The following GRB10 variants were observed in gnomAD, a reference collection of about 807,000 sequenced individuals.
GRB10 encodes the protein growth factor receptor-bound protein 10.
GRB10 carries 20 observed loss-of-function variants against 80.9 expected under a neutral mutation model. That is an observed-to-expected ratio of 0.25 (90% CI 0.17 to 0.36). The LOEUF (loss-of-function observed/expected upper bound fraction) is 0.36. Among genes scored for constraint, GRB10 ranks in the 10% least tolerant of loss-of-function variants. The pLI, the probability that GRB10 is intolerant of heterozygous loss-of-function variation, is 1.00. For missense variants in GRB10, 548 were observed against 747.7 expected, an observed-to-expected ratio of 0.73 and a Z score of 3.12; for synonymous variants, 291 against 291.5, an observed-to-expected ratio of 1.00 and a Z score of 0.02.
intron 7 of GRB10, among the ~76,000 whole-genome samples, chr7:50,639,581 G>A (rs2055791549): frequency 6.6e-6 from 1 of 152,170 alleles, no homozygotes; most frequent in Non-Finnish European, 1.5e-5. Context: ...GCTGAGGCGG[G>A]AGAATGGCGT....
chr7:50,777,429 T>TATACAC (rs1554316306), intron 2 of GRB10, among the ~76,000 whole-genome samples: 229 of 146,270 alleles, frequency 1.6e-3, no homozygotes, highest in African/African-American at 5.6e-3. Flanking sequence ...GCAATCTGTA[T>TATACAC]ACACACACAC....
chr7:50,734,667 T>C (rs1176825081), intron 3 of GRB10, among the ~76,000 whole-genome samples: 3 of 152,234 alleles, frequency 2.0e-5, no homozygotes, highest in Admixed American at 6.5e-5. Flanking sequence ...GCCAATTTTA[T>C]TACCTAAATA....
chr7:50,650,386 A>G (rs969507693), intron 7 of GRB10, among the ~76,000 whole-genome samples: 1 of 152,158 alleles, frequency 6.6e-6, no homozygotes, highest in African/African-American at 2.4e-5. Context: ...TGGTCCTGGG[A>G]GGTCTGCAGA....
Position 50,739,516 on chromosome 7 carries a change from C to T in GRB10, c.-46-7148G>A, listed in dbSNP as rs543171934. Among the ~76,000 whole-genome samples the T allele has an allele frequency of 8.5e-5, 13 of 152,312 alleles. No individual in the cohort carries two copies. In the South Asian group the frequency reaches 1.2e-3, roughly 15 times the overall value. On this transcript the variant is annotated intron_variant, in intron 3 of 18. Coordinates refer to ENST00000401949, the MANE Select transcript of GRB10 (RefSeq NM_001350814.2). ...CAATCCATGCTCACCTTGTCTATCC[C>T]GCATGGCATGTGGCTCATCACACAT...
chr7:50,623,064 C>A (rs1262150986), intron 8 of GRB10, among the ~76,000 whole-genome samples: 1 of 152,198 alleles, frequency 6.6e-6, no homozygotes, highest in Non-Finnish European at 1.5e-5. Flanking sequence ...GGTGAACCTT[C>A]CAGAGACTTG....
intron 7 of GRB10, among the ~76,000 whole-genome samples, chr7:50,647,468 C>T (rs56403574): frequency 0.026 from 3,915 of 152,352 alleles, 77 homozygotes; most frequent in Non-Finnish European, 0.04. Flanking sequence ...AGTCACTGAG[C>T]AGATGCTCCC....
At chr7:50,624,119 C>CTTAGTATCT (rs1190333975) in intron 8 of GRB10, among the ~76,000 whole-genome samples, 1 of 152,204 alleles carries the variant, frequency 6.6e-6, no homozygotes, top group African/African-American at 2.4e-5. Context: ...TACAATCTGC[C>CTTAGTATCT]TTAGTATCTG....
chr7:50,601,899 C>T (rs1261680390), intron 17 of GRB10, among the ~76,000 whole-genome samples: 1 of 152,096 alleles, frequency 6.6e-6, no homozygotes, highest in Non-Finnish European at 1.5e-5. Flanking sequence ...ATCTTGTCAC[C>T]CCAAAATCAA....
In GRB10 at chr7:50,621,957, C is replaced by A. The variant is rs528486863; in HGVS notation, c.662-2672G>T. On this transcript the variant is annotated intron_variant, in intron 8 of 18. Coordinates refer to ENST00000401949, the MANE Select transcript of GRB10 (RefSeq NM_001350814.2). Reference sequence around the variant, plus strand: ...CTAAAGTGTGACTCCTCGGCAGAAACCTGTGCTGCCAGTTGGCAGTGGAGG... The same window carrying A: ...CTAAAGTGTGACTCCTCGGCAGAAAACTGTGCTGCCAGTTGGCAGTGGAGG... Among the ~76,000 whole-genome samples the A allele has an allele frequency of 3.2e-4, 48 of 152,368 alleles. No individual in the cohort carries two copies. The South Asian group carries it at 9.7e-3, about 31-fold the overall frequency.
rs548573825 is a variant in GRB10 at position 50,612,724 on chromosome 7, C to T, written c.1194+17G>A. The T allele has an allele frequency of 1.4e-5, 22 of 1,589,336 alleles. No individual in the cohort carries two copies. The highest frequency in any genetic ancestry group is 1.3e-4 in the South Asian group (12 of 90,404). Reference sequence around the variant, plus strand: ...GAAGAGATGTGCACTCAACACAAACCGCAAGATGTCACATACCTTGAGGAG... The same window carrying T: ...GAAGAGATGTGCACTCAACACAAACTGCAAGATGTCACATACCTTGAGGAG... On this transcript the variant is annotated intron_variant, in intron 13 of 18. Transcript: ENST00000401949.
chr7:50,654,948 C>T (rs561877080), intron 7 of GRB10, among the ~76,000 whole-genome samples: 1 of 152,292 alleles, frequency 6.6e-6, no homozygotes, highest in South Asian at 2.1e-4. Context: ...TGTCTGACTC[C>T]TGTCCTTTTA....
At chr7:50,704,135 G>A (rs1718880870) in intron 4 of GRB10, among the ~76,000 whole-genome samples, 1 of 152,208 alleles carries the variant, frequency 6.6e-6, no homozygotes, top group Non-Finnish European at 1.5e-5. Flanking sequence ...AGTTACTCCT[G>A]TGTTTGGGCT....
At chr7:50,765,706 T>A (rs1009852296) in intron 2 of GRB10, among the ~76,000 whole-genome samples, 3 of 152,210 alleles carry the variant, frequency 2.0e-5, no homozygotes, top group African/African-American at 7.2e-5. Flanking sequence ...CCTTATTGAT[T>A]TATATAATAC....
intron 18 of GRB10, among the ~76,000 whole-genome samples, chr7:50,593,673 C>G (rs2046129941): frequency 6.6e-6 from 1 of 152,214 alleles, no homozygotes; most frequent in African/African-American, 2.4e-5. Flanking sequence ...CAGAGAGAAT[C>G]ATATTCCTAA....
At chr7:50,708,238 A>AT (rs2065306235) in intron 4 of GRB10, among the ~76,000 whole-genome samples, 1 of 152,250 alleles carries the variant, frequency 6.6e-6, no homozygotes, top group Admixed American at 6.5e-5. Context: ...AATTTCAACA[A>AT]GTGGCTCATT....
intron 3 of GRB10, among the ~76,000 whole-genome samples, chr7:50,748,920 C>G (rs925815218): frequency 1.3e-5 from 2 of 152,158 alleles, no homozygotes; most frequent in African/African-American, 4.8e-5. Flanking sequence ...CATAAGAAAT[C>G]AGAACCTCTA....
intron 3 of GRB10, among the ~76,000 whole-genome samples, chr7:50,754,686 C>T (rs1490904218): frequency 6.6e-6 from 1 of 152,174 alleles, no homozygotes; most frequent in Non-Finnish European, 1.5e-5. Flanking sequence ...AAAGATAGCC[C>T]AGAAACTTCC....
At chr7:50,672,703 G>T (rs892959519) in intron 6 of GRB10, among the ~76,000 whole-genome samples, 1 of 152,162 alleles carries the variant, frequency 6.6e-6, no homozygotes, top group African/African-American at 2.4e-5. Flanking sequence ...AACTACTCCA[G>T]CAGGGAGGCA....
At chr7:50,732,510 C>T in intron 3 of GRB10, 142 bp from the exon 4 acceptor site, 5 of 639,918 alleles carry the variant, frequency 7.8e-6, no homozygotes, top group Non-Finnish European at 1.4e-5. Flanking sequence ...TTGCTCGGGG[C>T]ACCAGCTTTT....
Sources: allele counts gnomAD v4.1 joint callset (sites outside exome capture counted in the v4.1 genomes callset), GRCh38; gene constraint gnomAD v4.1.1; transcripts MANE v1.5; gene names NCBI Gene and HGNC (gene_info 2026-07-23, HGNC 2026-07-21).